The following STARD9 variants were observed in gnomAD, a reference collection of about 807,000 sequenced individuals.
STARD9 encodes stAR-related lipid transfer protein 9.
In STARD9, 346 loss-of-function variants were observed where a neutral mutation model predicts 399.8. The observed-to-expected ratio is 0.87, with a 90% CI of 0.79 to 0.95. The LOEUF is 0.95. Ranked by LOEUF, STARD9 falls within the 40% of genes least tolerant of loss-of-function variation. The pLI, the probability that STARD9 is intolerant of heterozygous loss-of-function variation, is 0.00. For synonymous variants in STARD9, 2,203 were observed against 2,143.5 expected (o/e 1.03, Z -0.77); for missense variants, 5,832 against 5,667.5 (o/e 1.03, Z -0.93).
At chr15:42,601,528 C>T (rs1279661395) in intron 3 of STARD9, among the ~76,000 whole-genome samples, 14 of 145,562 alleles carry the variant, frequency 9.6e-5, no homozygotes, top group East Asian at 4.0e-4. Context: ...GCTGGCCGGG[C>T]GGGGGCTGCC....
chr15:42,653,021 C>T (rs1429009094), intron 9 of STARD9, among the ~76,000 whole-genome samples: 1 of 152,070 alleles, frequency 6.6e-6, no homozygotes, highest in East Asian at 1.9e-4. Flanking sequence ...TATAGGTCCT[C>T]TGATAGAACC....
Position 42,688,923 on chromosome 15 carries a change from C to T in STARD9, c.7345C>T (p.Leu2449Phe), listed in dbSNP as rs957850313. The T allele has an allele frequency of 1.7e-5, 26 of 1,537,212 alleles. No individual in the cohort carries two copies. The highest frequency in any genetic ancestry group is 2.7e-5 in the African/African-American group (2 of 73,008). The change falls in exon 23 of 33, where the codon CTC (leucine) becomes TTC (phenylalanine). Residue 2449 changes from leucine (L) to phenylalanine (F), a missense_variant. By Grantham distance (22) the Leu-to-Phe change is conservative (BLOSUM62 0). Coordinates refer to ENST00000290607, the MANE Select transcript of STARD9 (RefSeq NM_020759.3). ...CAGCCCCCAAGACCATGGAAAGGAC[C>T]TCAGAATCACCTTGCTGGGTTTCAG... ...STSPQDHGKD[L>F]RITLLGFSTS...
Position 42,718,136 on chromosome 15 carries a change from G to C in STARD9, c.13719G>C (p.Gln4573His). The change falls in exon 30 of 33, where the codon CAG becomes CAC. Residue 4573 changes from glutamine (Q) to histidine (H), a missense_variant. Physicochemically the swap from Gln to His is conservative, Grantham distance 24. Around this residue, in one of 2 missense-constraint regions of STARD9, gnomAD observed 5,828 missense variants for 5,651.1 expected, o/e 1.03. Transcript: ENST00000290607. ...TVWPLYYKPIQTARLHQRVTN... is the reference protein window; with the variant it reads ...TVWPLYYKPIHTARLHQRVTN... ...GGCCCCTGTATTACAAGCCCATCCAGACAGCAAGGCTGCATCAGCGAGTGA... is the reference window on the plus strand; with the variant it reads ...GGCCCCTGTATTACAAGCCCATCCACACAGCAAGGCTGCATCAGCGAGTGA... 1 of 1,537,202 alleles carries C rather than the reference G, an allele frequency of 6.5e-7. No individual in the cohort carries two copies.
chr15:42,689,757 G>C lies in STARD9; in HGVS notation c.8179G>C (p.Ala2727Pro), dbSNP rs1344496334. ...PLAPDSPRSS[A>P]PVEEVRRVVS... The stretch of plus-strand genomic sequence containing the variant: ...GGCCCCAGACAGTCCTCGTTCTTCA[G>C]CACCTGTGGAGGAGGTCAGGAGGGT... Residue 2727 changes from alanine (A) to proline (P), a missense_variant, in exon 23 of 33, where the codon GCA becomes CCA. Coordinates refer to ENST00000290607, the MANE Select transcript of STARD9 (RefSeq NM_020759.3). 2 of 1,537,634 alleles carry C rather than the reference G, an allele frequency of 1.3e-6. No individual in the cohort carries two copies. The highest frequency in any genetic ancestry group is 2.4e-5 in the East Asian group (1 of 40,938).
intron 20 of STARD9, among the ~76,000 whole-genome samples, chr15:42,679,076 G>A (rs2060372207): frequency 1.3e-5 from 2 of 152,174 alleles, no homozygotes; most frequent in African/African-American, 4.8e-5. Context: ...AGGTTGAGGA[G>A]AAAGCCAGAC....
At chr15:42,658,870 T>C (rs1172320286) in intron 9 of STARD9, among the ~76,000 whole-genome samples, 1 of 151,952 alleles carries the variant, frequency 6.6e-6, no homozygotes, top group African/African-American at 2.4e-5. Context: ...CCCACCACTT[T>C]GGGAGGCCAA....
At chr15:42,644,450 G>A (rs979818390) in intron 7 of STARD9, among the ~76,000 whole-genome samples, 16 of 151,514 alleles carry the variant, frequency 1.1e-4, no homozygotes, top group Admixed American at 7.3e-4. Flanking sequence ...CCAGGATCAC[G>A]CCACTGCACT....
chr15:42,645,622 G>A (rs2059630124), intron 7 of STARD9, among the ~76,000 whole-genome samples: 1 of 151,176 alleles, frequency 6.6e-6, no homozygotes, highest in Non-Finnish European at 1.5e-5. Flanking sequence ...CTGGAGTGCA[G>A]TGGCGTGATC....
chr15:42,581,649 T>C (rs2058173936), intron 1 of STARD9, among the ~76,000 whole-genome samples: 1 of 148,668 alleles, frequency 6.7e-6, no homozygotes, highest in Admixed American at 6.8e-5. Flanking sequence ...CAGCCGATCC[T>C]CGGGCCTCGC....
chr15:42,702,037 C>CT (rs1245705393), intron 26 of STARD9, among the ~76,000 whole-genome samples: 17 of 150,398 alleles, frequency 1.1e-4, no homozygotes, highest in Non-Finnish European at 1.8e-4. Context: ...TGACCATGAC[C>CT]TGATGGGAGG....
intron 7 of STARD9, among the ~76,000 whole-genome samples, chr15:42,647,957 C>A (rs1198912526): frequency 6.6e-6 from 1 of 152,220 alleles, no homozygotes; most frequent in Non-Finnish European, 1.5e-5. Context: ...CTAATATTTA[C>A]TGGTTGTTCT....
intron 26 of STARD9, among the ~76,000 whole-genome samples, chr15:42,696,498 G>A (rs149312003): frequency 9.2e-5 from 14 of 152,288 alleles, no homozygotes; most frequent in African/African-American, 3.1e-4. Flanking sequence ...TATAATGAGA[G>A]TTCTGGCCCC....
At chr15:42,657,190 C>T (rs2059893830) in intron 9 of STARD9, among the ~76,000 whole-genome samples, 1 of 151,862 alleles carries the variant, frequency 6.6e-6, no homozygotes, top group Non-Finnish European at 1.5e-5. Flanking sequence ...AACCCCGTCT[C>T]TACTAAAAAT....
chr15:42,590,507 G>A (rs1260899926), intron 3 of STARD9, among the ~76,000 whole-genome samples: 1 of 152,172 alleles, frequency 6.6e-6, no homozygotes, highest in Non-Finnish European at 1.5e-5. Flanking sequence ...GGGATTTAGA[G>A]CAGCATCTTA....
intron 26 of STARD9, among the ~76,000 whole-genome samples, chr15:42,706,747 G>A (rs936081052): frequency 5.3e-5 from 8 of 152,062 alleles, no homozygotes; most frequent in Non-Finnish European, 1.2e-4. Context: ...ACCACACCTG[G>A]CTTTTTTATA....
intron 2 of STARD9, among the ~76,000 whole-genome samples, chr15:42,583,620 T>C (rs1006740349): frequency 6.6e-6 from 1 of 152,218 alleles, no homozygotes; most frequent in Non-Finnish European, 1.5e-5. Context: ...TGCTGCAGCC[T>C]AAGTTTTATC....
chr15:42,713,807 T>C (rs953510565), intron 26 of STARD9, among the ~76,000 whole-genome samples: 2 of 152,092 alleles, frequency 1.3e-5, no homozygotes, highest in Admixed American at 6.6e-5. Context: ...GTTGAGGATT[T>C]GTGTGTGTGT....
chr15:42,686,641 C>G lies in STARD9; in HGVS notation c.5063C>G (p.Pro1688Arg), dbSNP rs756942770. ...GCAGTCCAGCCAGGGCAATTAAGTC[C>G]CGACAGCCACTACCCACTAGAGGAA... ...NSAVQPGQLSPDSHYPLEEEK... is the reference protein window; with the variant it reads ...NSAVQPGQLSRDSHYPLEEEK... The change falls in exon 23 of 33, where the codon CCC becomes CGC. Residue 1688 changes from proline (P) to arginine (R), a missense_variant. Coordinates refer to ENST00000290607, the MANE Select transcript of STARD9 (RefSeq NM_020759.3). 2.5e-5 allele frequency: 39 copies of G among 1,537,150 alleles called. No individual in the cohort carries two copies. Among genetic ancestry groups the G allele is most frequent in the Non-Finnish European group, 3.3e-5 (38 of 1,146,952 alleles).
intron 3 of STARD9, among the ~76,000 whole-genome samples, chr15:42,593,858 CGG>C (rs1566858579): frequency 1.3e-5 from 2 of 151,308 alleles, no homozygotes; most frequent in African/African-American, 2.4e-5. Context: ...TTAGTAGAGA[CGG>C]GGTTTCTCCG....
Sources: gnomAD v4.1 joint callset for allele counts (sites outside exome capture counted in the v4.1 genomes callset) on GRCh38, gnomAD v4.1.1 for gene constraint, gnomAD v4.1.1 regional missense constraint, MANE v1.5 for transcripts, NCBI Gene and HGNC (gene_info 2026-07-23, HGNC 2026-07-21) for gene names.